Variants in PDZD8 observed in about 807,000 individuals in gnomAD.
PDZD8 encodes the protein PDZ domain-containing protein 8.
Under a neutral mutation model 85.8 loss-of-function variants are expected in PDZD8, and 14 were observed. That is an observed-to-expected ratio of 0.16 (90% CI 0.11 to 0.26). PDZD8 has a LOEUF of 0.26. Ranked by LOEUF, PDZD8 falls within the 10% of genes least tolerant of loss-of-function variation. The pLI, the probability that PDZD8 is intolerant of heterozygous loss-of-function variation, is 1.00. For synonymous variants in PDZD8, 592 were observed against 568.6 expected, an observed-to-expected ratio of 1.04 and a Z score of -0.59; for missense variants, 1,197 against 1,424.3, an observed-to-expected ratio of 0.84 and a Z score of 2.57.
intron 2 of PDZD8, among the ~76,000 whole-genome samples, chr10:117,333,143 A>AAAAAAAG (rs1844458934): frequency 3.4e-5 from 5 of 148,988 alleles, no homozygotes; most frequent in East Asian, 4.0e-4. Flanking sequence ...AAAAAAAAAA[A>AAAAAAAG]GGGGATATGG....
chr10:117,283,744 T>G lies in PDZD8; in HGVS notation c.2989A>C (p.Thr997Pro), dbSNP rs748618420. The change falls in exon 5 of 5, where the codon ACA becomes CCA. Residue 997 changes from threonine to proline, a missense_variant. Around this residue, in one of 4 missense-constraint regions of PDZD8, gnomAD observed 418 missense variants for 571.1 expected, o/e 0.73. Coordinates refer to ENST00000334464, the MANE Select transcript of PDZD8 (RefSeq NM_173791.5). The part of the protein sequence containing the change: ...PNSPSKRGNS[T>P]GIKLVRKEGG... The stretch of plus-strand genomic sequence containing the variant: ...TCTTTTCTCACTAACTTTATTCCTG[T>G]GCTGTTTCCCCGTTTAGAAGGACTG... The G allele has an allele frequency of 1.2e-6, 2 of 1,614,196 alleles. No homozygotes were observed. The highest frequency in any genetic ancestry group is 1.7e-6 in the Non-Finnish European group (2 of 1,180,022).
intron 3 of PDZD8, among the ~76,000 whole-genome samples, chr10:117,313,131 T>C (rs1223753718): frequency 6.6e-6 from 1 of 152,328 alleles, no homozygotes. Context: ...GAGTGCCATG[T>C]GTAAATCTGA....
chr10:117,283,807 C>A lies in PDZD8; in HGVS notation c.2926G>T (p.Asp976Tyr), dbSNP rs1409696078. 6.2e-7 allele frequency: 1 copy of A among 1,614,206 alleles called. No homozygotes were observed. Among genetic ancestry groups the A allele is most frequent in the South Asian group, 1.1e-5 (1 of 91,084 alleles). The change falls in exon 5 of 5, where the codon GAC (aspartate) becomes TAC (tyrosine). Residue 976 changes from aspartate to tyrosine, a missense_variant. Physicochemically the swap from Asp to Tyr is radical, Grantham distance 160 (BLOSUM62 -3). Around this residue, in one of 4 missense-constraint regions of PDZD8, gnomAD observed 418 missense variants for 571.1 expected, o/e 0.73. Coordinates refer to ENST00000334464, the MANE Select transcript of PDZD8 (RefSeq NM_173791.5). ...ACCTCCGTGTCACTGCCTTCGTTGTCTGACGTGTTGGGTGTGTGTTTTGGT... is the reference window on the plus strand; with the variant it reads ...ACCTCCGTGTCACTGCCTTCGTTGTATGACGTGTTGGGTGTGTGTTTTGGT... ...PSPKHTPNTS[D>Y]NEGSDTEVCG...
chr10:117,371,287 C>T (rs909811993), intron 1 of PDZD8, among the ~76,000 whole-genome samples: 6 of 152,258 alleles, frequency 3.9e-5, no homozygotes, highest in African/African-American at 1.4e-4. Flanking sequence ...CAGGTACAAG[C>T]CATTTTCCTG....
intron 1 of PDZD8, among the ~76,000 whole-genome samples, chr10:117,357,992 G>T (rs1454676280): frequency 6.6e-6 from 1 of 151,982 alleles, no homozygotes; most frequent in East Asian, 1.9e-4. Flanking sequence ...AAGGAGGAAG[G>T]GGAGTTAGAG....
chr10:117,280,963 T>C lies in PDZD8; in HGVS notation c.*2305A>G, dbSNP rs1386374136. 6.6e-6 allele frequency: 1 copy of C among 152,204 alleles called. No homozygotes were observed. The allele number at this position is 152,204 out of a possible 1,614,324, so 9.4% of individuals were successfully genotyped here. ...CAGGTTATCAATGGTAAGTTATTTT[T>C]TATAAAGTGGTTACACACTGAGCAG... On this transcript the variant is annotated 3_prime_UTR_variant, in exon 5 of 5. Transcript: ENST00000334464.
intron 2 of PDZD8, among the ~76,000 whole-genome samples, chr10:117,334,194 G>A (rs1844476971): frequency 6.6e-6 from 1 of 152,208 alleles, no homozygotes; most frequent in Non-Finnish European, 1.5e-5. Context: ...TCAAAAAACT[G>A]CAGCTGCAGG....
chr10:117,347,820 A>G (rs1320031835), intron 1 of PDZD8, among the ~76,000 whole-genome samples: 4 of 152,304 alleles, frequency 2.6e-5, no homozygotes, highest in South Asian at 2.1e-4. Flanking sequence ...GAAATAAAAC[A>G]CACAGCCAGT....
At chr10:117,340,562 A>G (rs1844593646) in intron 2 of PDZD8, among the ~76,000 whole-genome samples, 1 of 152,074 alleles carries the variant, frequency 6.6e-6, no homozygotes, top group African/African-American at 2.4e-5. Context: ...GTTGAGCCCA[A>G]TCTCTCACCC....
intron 3 of PDZD8, among the ~76,000 whole-genome samples, chr10:117,292,034 A>G (rs1364799747): frequency 6.6e-6 from 1 of 152,186 alleles, no homozygotes; most frequent in African/African-American, 2.4e-5. Flanking sequence ...ATATCCAAAT[A>G]TATCACTGGC....
intron 3 of PDZD8, among the ~76,000 whole-genome samples, chr10:117,297,301 T>C (rs1038277905): frequency 2.0e-5 from 3 of 152,156 alleles, no homozygotes; most frequent in African/African-American, 7.2e-5. Context: ...AACTCTCCTA[T>C]ATTGCTGATG....
At chr10:117,325,747 G>A (rs1165768101) in intron 2 of PDZD8, among the ~76,000 whole-genome samples, 1 of 152,044 alleles carries the variant, frequency 6.6e-6, no homozygotes, top group Non-Finnish European at 1.5e-5. Flanking sequence ...ATTACAGCCT[G>A]GTTCACTGTA....
rs765717329 is a variant in PDZD8, at chr10:117,356,963, TACAG to T, written c.873-15865_873-15862del. The stretch of plus-strand genomic sequence containing the variant: ...ATGTTATTAAACTTACAACTTTTCA[TACAG>T]ACAAACTTTTTTTCCCAGTAAAAGC... On this transcript the variant is annotated intron_variant, in intron 1 of 4. Transcript: ENST00000334464. Among the ~76,000 whole-genome samples the T allele has an allele frequency of 2.0e-5, 3 of 152,324 alleles. No homozygotes were observed. The South Asian group carries it at 6.2e-4, about 32-fold the overall frequency.
intron 2 of PDZD8, among the ~76,000 whole-genome samples, chr10:117,334,374 T>C (rs1212173775): frequency 6.6e-6 from 1 of 152,122 alleles, no homozygotes; most frequent in Non-Finnish European, 1.5e-5. Flanking sequence ...CAGATGTTGG[T>C]GTCACATGCC....
intron 2 of PDZD8, among the ~76,000 whole-genome samples, chr10:117,331,087 TTTGTCTG>T (rs1352053376): frequency 6.6e-6 from 1 of 152,248 alleles, no homozygotes; most frequent in Non-Finnish European, 1.5e-5. Context: ...TGCATTTGTT[TTTGTCTG>T]TTAGCCCTAA....
At chr10:117,286,227 C>T (rs1337512911) in intron 4 of PDZD8, among the ~76,000 whole-genome samples, 1 of 152,112 alleles carries the variant, frequency 6.6e-6, no homozygotes, top group Non-Finnish European at 1.5e-5. Context: ...TTCTTTCCAC[C>T]TCTGTCTCCC....
chr10:117,277,481 CTTTAT>C lies in PDZD8; in HGVS notation c.*5782_*5786del, dbSNP rs1056245595. 9.8e-5 allele frequency: 31 copies of C among 314,778 alleles called. No homozygotes were observed. The highest frequency in any genetic ancestry group is 4.3e-4 in the African/African-American group (20 of 46,376). 19.5% of individuals were successfully genotyped at this position (314,778 alleles called of 1,614,324 possible). On this transcript the variant is annotated 3_prime_UTR_variant, in exon 5 of 5. Transcript: ENST00000334464. The stretch of plus-strand genomic sequence containing the variant: ...GGGGTTTGTATAAATAGTGTTGAAA[CTTTAT>C]TTTATGTATTTAATTTTATTAAATA...
Position 117,277,280 on chromosome 10 carries a change from A to G in PDZD8, c.*5988T>C. 1 of 1,469,766 alleles carries G rather than the reference A, an allele frequency of 6.8e-7. No individual in the cohort carries two copies. The highest frequency in any genetic ancestry group is 9.5e-7 in the Non-Finnish European group (1 of 1,051,450). 91.0% of individuals were successfully genotyped at this position (1,469,766 alleles called of 1,614,324 possible). On this transcript the variant is annotated 3_prime_UTR_variant, in exon 5 of 5. Coordinates refer to ENST00000334464, the MANE Select transcript of PDZD8 (RefSeq NM_173791.5). ...GAAAGTGACTGAGATGAGATCCTCAAAAATCATCAAAGTGTTTAATTGTAT... is the reference window on the plus strand; with the variant it reads ...GAAAGTGACTGAGATGAGATCCTCAGAAATCATCAAAGTGTTTAATTGTAT...
chr10:117,373,514 T>C (rs772612446), intron 1 of PDZD8, among the ~76,000 whole-genome samples: 1 of 150,376 alleles, frequency 6.6e-6, no homozygotes, highest in Non-Finnish European at 1.5e-5. Flanking sequence ...TCCTAACACT[T>C]TGGGAGGCCG....
Sources: gnomAD v4.1 joint callset for allele counts (sites outside exome capture counted in the v4.1 genomes callset) on GRCh38, gnomAD v4.1.1 for gene constraint, gnomAD v4.1.1 regional missense constraint, MANE v1.5 for transcripts, NCBI Gene and HGNC (gene_info 2026-07-23, HGNC 2026-07-21) for gene names.